KIAA1217: variants seen among roughly 807,000 people sequenced by gnomAD.
KIAA1217 encodes the protein sickle tail protein homolog.
In KIAA1217, 88 loss-of-function variants were observed where a neutral mutation model predicts 163.9. The ratio of observed to expected loss-of-function variants is 0.54; its 90% CI spans 0.45 to 0.64. The LOEUF (loss-of-function observed/expected upper bound fraction) is 0.64, where lower values mean the gene tolerates loss of function less well. Among genes scored for constraint, KIAA1217 ranks in the 30% least tolerant of loss-of-function variants. KIAA1217 has a pLI of 0.00. For missense variants in KIAA1217, 2,372 were observed against 2,475.0 expected (o/e 0.96, Z 0.88); for synonymous variants, 903 against 923.1 (o/e 0.98, Z 0.39).
At chr10:23,940,480 A>G (rs1257597452) in intron 1 of KIAA1217, among the ~76,000 whole-genome samples, 9 of 150,370 alleles carry the variant, frequency 6.0e-5, no homozygotes, top group South Asian at 2.1e-4. Flanking sequence ...AAAAAAAAAA[A>G]AAAAGAAAAA....
chr10:23,869,224 A>G (rs761552982), intron 1 of KIAA1217, among the ~76,000 whole-genome samples: 2 of 140,530 alleles, frequency 1.4e-5, no homozygotes, highest in Admixed American at 7.7e-5. Flanking sequence ...TAGCAGCAGT[A>G]TGGAAAATAG....
intron 2 of KIAA1217, among the ~76,000 whole-genome samples, chr10:24,373,128 G>A (rs2051923082): frequency 1.3e-5 from 2 of 152,176 alleles, no homozygotes; most frequent in Admixed American, 1.3e-4. Flanking sequence ...TTGCATCCAG[G>A]TTTATGGGGA....
intron 16 of KIAA1217, among the ~76,000 whole-genome samples, chr10:24,533,965 TC>T (rs1423877405): frequency 8.5e-5 from 13 of 152,142 alleles, no homozygotes. Context: ...TATAAACAAT[TC>T]CTAGAACAAA....
rs528704766 is a variant in KIAA1217, at chr10:24,307,221, C to T, written c.355-73648C>T. ...ACTTTTGGAAACCTTGACTGACTTG[C>T]GAATATGATTTCTCCTTTTTTCTTA... is the stretch of plus-strand genomic sequence containing the variant. On this transcript the variant is annotated intron_variant, in intron 2 of 20. Transcript: ENST00000376454. Among the ~76,000 whole-genome samples, 21 of 152,272 alleles carry T rather than the reference C, an allele frequency of 1.4e-4. No individual in the cohort carries two copies. The South Asian group carries it at 3.9e-3, about 29-fold the overall frequency.
intron 2 of KIAA1217, among the ~76,000 whole-genome samples, chr10:24,239,620 A>G (rs571505730): frequency 6.6e-6 from 1 of 151,708 alleles, no homozygotes; most frequent in Admixed American, 6.6e-5. Context: ...GATAAGGGTT[A>G]GATGGACAAT....
intron 1 of KIAA1217, among the ~76,000 whole-genome samples, chr10:23,747,437 CTG>C (rs1443330909): frequency 6.6e-6 from 1 of 152,026 alleles, no homozygotes; most frequent in East Asian, 1.9e-4. Context: ...GAGATAAAGA[CTG>C]TATCTTTGGT....
intron 9 of KIAA1217, among the ~76,000 whole-genome samples, chr10:24,512,828 C>T (rs1371319744): frequency 6.6e-6 from 1 of 152,166 alleles, no homozygotes; most frequent in African/African-American, 2.4e-5. Context: ...GTGGATTCCC[C>T]ATCATTAGAG....
At position 24,543,640 on chromosome 10, in the gene KIAA1217, A is replaced by G. The variant is rs1592838451; in HGVS notation, c.4370A>G (p.Tyr1457Cys). Residue 1457 changes from tyrosine to cysteine, a missense_variant, in exon 19 of 21, where the codon TAT becomes TGT. Tyr to Cys is a radical substitution (Grantham distance 194). Around this residue, in one of 3 missense-constraint regions of KIAA1217, gnomAD observed 690 missense variants for 677.5 expected, o/e 1.02. Coordinates refer to ENST00000376454, the MANE Select transcript of KIAA1217 (RefSeq NM_019590.5). Reference sequence around the variant, plus strand: ...GAGCCCATGGACATCCGGTCTGCCTATAAGAGACTTTCAACTATCTTTGAG... The same window carrying G: ...GAGCCCATGGACATCCGGTCTGCCTGTAAGAGACTTTCAACTATCTTTGAG... Reference protein sequence around the residue: ...FDEPMDIRSAYKRLSTIFEEC... With the variant: ...FDEPMDIRSACKRLSTIFEEC... The G allele has an allele frequency of 6.2e-7, 1 of 1,614,158 alleles. No homozygotes were observed. The highest frequency in any genetic ancestry group is 8.5e-7 in the Non-Finnish European group (1 of 1,180,020).
At chr10:24,086,479 G>A (rs1005837544) in intron 2 of KIAA1217, among the ~76,000 whole-genome samples, 1 of 152,132 alleles carries the variant, frequency 6.6e-6, no homozygotes, top group African/African-American at 2.4e-5. Flanking sequence ...TTTAAATAAG[G>A]AATACTTCCA....
intron 5 of KIAA1217, among the ~76,000 whole-genome samples, chr10:24,439,625 C>A (rs2132006285): frequency 6.6e-6 from 1 of 151,000 alleles, no homozygotes; most frequent in South Asian, 2.1e-4. Flanking sequence ...GCATTCTTTT[C>A]TGGAGGCCCT....
At chr10:24,185,016 T>C (rs1299030583) in intron 2 of KIAA1217, among the ~76,000 whole-genome samples, 1 of 152,242 alleles carries the variant, frequency 6.6e-6, no homozygotes. Context: ...AAGAGATGCA[T>C]AGGCTGAAAT....
At chr10:24,492,210 C>G (rs555339513) in intron 6 of KIAA1217, among the ~76,000 whole-genome samples, 1 of 152,330 alleles carries the variant, frequency 6.6e-6, no homozygotes, top group East Asian at 1.9e-4. Flanking sequence ...CCACCACTCC[C>G]ATTTTTTCTG....
intron 1 of KIAA1217, among the ~76,000 whole-genome samples, chr10:23,996,837 A>T (rs182571537): frequency 6.6e-6 from 1 of 152,352 alleles, no homozygotes; most frequent in African/African-American, 2.4e-5. Flanking sequence ...GAGAGATGCT[A>T]GTTTACCCTT....
chr10:24,469,757 G>T (rs2063306523), intron 5 of KIAA1217, among the ~76,000 whole-genome samples: 1 of 152,090 alleles, frequency 6.6e-6, no homozygotes, highest in Non-Finnish European at 1.5e-5. Flanking sequence ...GACTACAGGT[G>T]CATGCCACCA....
intron 2 of KIAA1217, among the ~76,000 whole-genome samples, chr10:24,091,695 T>C (rs74123631): frequency 0.024 from 3,604 of 151,882 alleles, 231 homozygotes; most frequent in African/African-American, 0.083. Flanking sequence ...CCTCTGAGGA[T>C]AAATAGTAAC....
At chr10:23,980,266 G>A (rs1401242425) in intron 1 of KIAA1217, among the ~76,000 whole-genome samples, 1 of 152,142 alleles carries the variant, frequency 6.6e-6, no homozygotes, top group Non-Finnish European at 1.5e-5. Flanking sequence ...TGAGTGTGCT[G>A]ACAGGTTTCA....
intron 1 of KIAA1217, among the ~76,000 whole-genome samples, chr10:23,929,521 T>C (rs1003709775): frequency 1.3e-5 from 2 of 152,100 alleles, no homozygotes; most frequent in Non-Finnish European, 2.9e-5. Context: ...AGTCCACGTG[T>C]ACCCAGTGTT....
intron 1 of KIAA1217, among the ~76,000 whole-genome samples, chr10:23,829,991 C>G (rs567467294): frequency 1.3e-5 from 2 of 152,246 alleles, no homozygotes; most frequent in Admixed American, 1.3e-4. Context: ...CTGTTTGTTT[C>G]TGAATGGCTG....
At chr10:23,922,499 T>C (rs1842886115) in intron 1 of KIAA1217, among the ~76,000 whole-genome samples, 1 of 152,164 alleles carries the variant, frequency 6.6e-6, no homozygotes, top group African/African-American at 2.4e-5. Flanking sequence ...CTCTTTGGAA[T>C]TGGCATCTGA....
Sources: allele counts gnomAD v4.1 joint callset (sites outside exome capture counted in the v4.1 genomes callset), GRCh38; gene constraint gnomAD v4.1.1; regional missense constraint gnomAD v4.1.1; transcripts MANE v1.5; gene names NCBI Gene and HGNC (gene_info 2026-07-23, HGNC 2026-07-21).